TNRC18: variants seen among roughly 807,000 people sequenced by gnomAD.
TNRC18 encodes trinucleotide repeat containing 18.
Under a neutral mutation model 226.7 loss-of-function variants are expected in TNRC18, and 69 were observed. The ratio of observed to expected loss-of-function variants is 0.30; its 90% CI spans 0.25 to 0.37. The LOEUF (loss-of-function observed/expected upper bound fraction) is 0.37. TNRC18 is among the 10% of genes least tolerant of loss of function. The pLI is 1.00. For missense variants in TNRC18, 4,754 were observed against 4,256.6 expected, an observed-to-expected ratio of 1.12 and a Z score of -3.25; for synonymous variants, 2,449 against 1,927.6, an observed-to-expected ratio of 1.27 and a Z score of -7.09.
chr7:5,342,279 A>G (rs1389678285), intron 18 of TNRC18, among the ~76,000 whole-genome samples: 1 of 152,000 alleles, frequency 6.6e-6, no homozygotes, highest in Non-Finnish European at 1.5e-5. Context: ...AAATACAAAA[A>G]TCTGCCAGGT....
chr7:5,317,553 C>T (rs1023370655), intron 24 of TNRC18, among the ~76,000 whole-genome samples: 3 of 151,496 alleles, frequency 2.0e-5, no homozygotes, highest in South Asian at 2.1e-4. Context: ...ATCACTGCAC[C>T]GCACTCTGGC....
intron 29 of TNRC18, among the ~76,000 whole-genome samples, 175 bp downstream of exon 29, chr7:5,308,700 G>C (rs1449972608): frequency 6.6e-6 from 1 of 152,174 alleles, no homozygotes; most frequent in South Asian, 2.1e-4. Flanking sequence ...CAGACGCACA[G>C]ACCAGAGAGA....
Position 5,345,745 on chromosome 7 carries a change from C to CA in TNRC18, c.5535dup (p.Gly1846TrpfsTer228). 6.5e-7 allele frequency: 1 copy of CA among 1,548,596 alleles called. No individual in the cohort carries two copies. Among genetic ancestry groups the CA allele is most frequent in the Non-Finnish European group, 8.7e-7 (1 of 1,146,834 alleles). On this transcript the variant is annotated frameshift_variant, in exon 18 of 30. Transcript: ENST00000430969. LOFTEE classifies it high-confidence loss of function. ...CGCTCCCGGGCACCCAGCCTGTAGC[C>CA]ACCACCGCTGGCCTCGTCCTCCTCC...
At chr7:5,314,843 G>A (rs1347201931) in intron 26 of TNRC18, 141 bp downstream of exon 26, 12 of 926,218 alleles carry the variant, frequency 1.3e-5, no homozygotes, top group South Asian at 3.5e-5. Context: ...AAAGCGCTGG[G>A]ATTACAGGTG....
intron 9 of TNRC18, among the ~76,000 whole-genome samples, chr7:5,374,945 T>C (rs1228308612): frequency 1.3e-5 from 2 of 152,198 alleles, no homozygotes; most frequent in African/African-American, 4.8e-5. Context: ...CAGGCATGTC[T>C]TTTATGAGGA....
chr7:5,400,011 T>A (rs911573817), intron 2 of TNRC18, among the ~76,000 whole-genome samples: 2 of 152,160 alleles, frequency 1.3e-5, no homozygotes, highest in Admixed American at 6.5e-5. Context: ...CACCTTTGCC[T>A]CCTGAGTAGC....
intron 11 of TNRC18, among the ~76,000 whole-genome samples, chr7:5,369,078 T>G (rs1398911538): frequency 6.6e-6 from 1 of 152,156 alleles, no homozygotes; most frequent in Non-Finnish European, 1.5e-5. Context: ...CTGGGAGCGG[T>G]GGCTCACACC....
Position 5,313,230 on chromosome 7 carries a change from G to A in TNRC18, c.7661C>T (p.Ala2554Val), listed in dbSNP as rs1292135228. The A allele has an allele frequency of 1.3e-6, 2 of 1,548,884 alleles. No individual in the cohort carries two copies. Among genetic ancestry groups the A allele is most frequent in the Non-Finnish European group, 1.7e-6 (2 of 1,146,792 alleles). The change falls in exon 27 of 30, where the codon GCC becomes GTC. Residue 2554 changes from alanine to valine, a missense_variant. Transcript: ENST00000430969. ...GCTGCTGCTGCTCTCGGACTCTTCG[G>A]CCCCGTCCTGCTCAGCCTGGGCCTT... Reference protein sequence around the residue: ...PDKAQAEQDGAEESESSSSSS... With the variant: ...PDKAQAEQDGVEESESSSSSS...
At chr7:5,420,527 G>A (rs956455877) in intron 2 of TNRC18, 2 of 446,332 alleles carry the variant, frequency 4.5e-6, no homozygotes, top group African/African-American at 4.0e-5. Context: ...CCAAGGCTGG[G>A]GTCACCGTAC....
At chr7:5,331,759 A>C (rs1194444398) in intron 19 of TNRC18, among the ~76,000 whole-genome samples, 1 of 152,098 alleles carries the variant, frequency 6.6e-6, no homozygotes, top group African/African-American at 2.4e-5. Flanking sequence ...AAAATTTAAA[A>C]ATTAGCTGGG....
chr7:5,398,356 G>T (rs1483483251), intron 2 of TNRC18, among the ~76,000 whole-genome samples: 1 of 152,128 alleles, frequency 6.6e-6, no homozygotes, highest in South Asian at 2.1e-4. Context: ...TTTTAGTAAA[G>T]ATGAGGTTTC....
At chr7:5,397,459 CCT>C (rs1329215027) in intron 2 of TNRC18, among the ~76,000 whole-genome samples, 2 of 152,198 alleles carry the variant, frequency 1.3e-5, no homozygotes, top group African/African-American at 4.8e-5. Context: ...ACCCAAAGCC[CCT>C]CCTCCCAGGC....
At chr7:5,354,946 G>A (rs1236263238) in intron 16 of TNRC18, among the ~76,000 whole-genome samples, 1 of 152,348 alleles carries the variant, frequency 6.6e-6, no homozygotes, top group East Asian at 1.9e-4. Flanking sequence ...GCCCTTGACA[G>A]TCAAACTCCC....
At chr7:5,326,043 G>A (rs936663476) in intron 19 of TNRC18, among the ~76,000 whole-genome samples, 14 of 151,908 alleles carry the variant, frequency 9.2e-5, no homozygotes, top group Non-Finnish European at 1.6e-4. Context: ...CTTATTACTA[G>A]TATATATTAC....
rs143133533 is a variant in TNRC18, at chr7:5,372,805, T to C, written c.3229+1250A>G. ...CGGGAGGCCAGGGTGGGAGGACTGC[T>C]TGAGCCCAGGAGATCAAGACCAGCC... On this transcript the variant is annotated intron_variant, in intron 10 of 29. Coordinates refer to ENST00000430969, the MANE Select transcript of TNRC18 (RefSeq NM_001080495.3). 2.6e-3 allele frequency among the ~76,000 whole-genome samples: 400 copies of C among 152,202 alleles called. 2 individuals are homozygous for C. The highest frequency in any genetic ancestry group is 9.3e-3 in the African/African-American group (388 of 41,532).
At position 5,389,731 on chromosome 7, in the gene TNRC18, A is replaced by C. The variant is rs371113119; in HGVS notation, c.488-395T>G. The C allele has an allele frequency of 7.7e-5, 12 of 156,314 alleles. No individual in the cohort carries two copies. In the East Asian group the frequency reaches 2.3e-3, roughly 30 times the overall value. The allele number at this position is 156,314 out of a possible 1,614,324, so 9.7% of individuals were successfully genotyped here. ...CGGCCACCCAAAGTGCTGGGATTAC[A>C]GGCTTGAGCCGCACTCGACCCAGTG... On this transcript the variant is annotated intron_variant, in intron 4 of 29. Coordinates refer to ENST00000430969, the MANE Select transcript of TNRC18 (RefSeq NM_001080495.3).
At position 5,370,858 on chromosome 7, in the gene TNRC18, C is replaced by T. The variant is rs771941026; in HGVS notation, c.3736G>A (p.Gly1246Arg). Residue 1246 changes from glycine to arginine, a missense_variant, in exon 11 of 30, where the codon GGG becomes AGG. By Grantham distance (125) the Gly-to-Arg change is moderately radical (BLOSUM62 -2). Coordinates refer to ENST00000430969, the MANE Select transcript of TNRC18 (RefSeq NM_001080495.3). The part of the protein sequence containing the change: ...TEPCTAALDL[G>R]VQLTPETLVE... ...AGTGTCTCGGGTGTCAGCTGCACCC[C>T]CAGGTCCAGGGCGGCGGTGCAGGGT... 2 of 1,608,666 alleles carry T rather than the reference C, an allele frequency of 1.2e-6. No homozygotes were observed. The highest frequency in any genetic ancestry group is 1.1e-5 in the South Asian group (1 of 91,068).
At chr7:5,358,026 C>G (rs1342187794) in intron 15 of TNRC18, among the ~76,000 whole-genome samples, 2 of 151,960 alleles carry the variant, frequency 1.3e-5, no homozygotes, top group African/African-American at 4.8e-5. Context: ...AGAAGGCAGC[C>G]GGATTAAGGG....
chr7:5,365,089 G>C (rs1257851474), intron 11 of TNRC18, among the ~76,000 whole-genome samples: 1 of 152,104 alleles, frequency 6.6e-6, no homozygotes, highest in Non-Finnish European at 1.5e-5. Flanking sequence ...ATTCATCTAA[G>C]TCATCTCCCA....
Sources: allele counts gnomAD v4.1 joint callset (sites outside exome capture counted in the v4.1 genomes callset), GRCh38; gene constraint gnomAD v4.1.1; transcripts MANE v1.5; gene names NCBI Gene and HGNC (gene_info 2026-07-23, HGNC 2026-07-21).